CTTNBP2: variants seen among roughly 807,000 people sequenced by gnomAD.
CTTNBP2 encodes the protein cortactin binding protein 2.
A neutral mutation model predicts 156.9 loss-of-function variants in CTTNBP2; 108 were observed. The observed-to-expected ratio is 0.69, with a 90% CI of 0.59 to 0.81. The LOEUF is 0.81. Ranked by LOEUF, CTTNBP2 falls within the 30% of genes least tolerant of loss-of-function variation. CTTNBP2 has a pLI of 0.00. For missense variants in CTTNBP2, 1,924 were observed against 2,035.4 expected (o/e 0.95, Z 1.05); for synonymous variants, 767 against 751.8 (o/e 1.02, Z -0.33).
At chr7:117,867,368 A>G (rs769904098) in intron 1 of CTTNBP2, among the ~76,000 whole-genome samples, 1 of 152,132 alleles carries the variant, frequency 6.6e-6, no homozygotes, top group Non-Finnish European at 1.5e-5. Context: ...CTCGCCATTC[A>G]GTCTTAAAAT....
chr7:117,851,017 A>G (rs1802898531), intron 2 of CTTNBP2, among the ~76,000 whole-genome samples: 1 of 152,226 alleles, frequency 6.6e-6, no homozygotes, highest in Non-Finnish European at 1.5e-5. Flanking sequence ...ATTCACATGG[A>G]GTATAAACAC....
intron 2 of CTTNBP2, among the ~76,000 whole-genome samples, chr7:117,853,001 T>G (rs1291583738): frequency 6.6e-6 from 1 of 152,142 alleles, no homozygotes; most frequent in Non-Finnish European, 1.5e-5. Context: ...GTACTACCAC[T>G]GATCTCAAGA....
chr7:117,716,611 T>A (rs1002265800), intron 22 of CTTNBP2, among the ~76,000 whole-genome samples: 1 of 152,188 alleles, frequency 6.6e-6, no homozygotes, highest in Admixed American at 6.5e-5. Context: ...CCAGGTCACC[T>A]TCTTAGGTCA....
At chr7:117,835,595 G>A (rs1801879221) in intron 2 of CTTNBP2, among the ~76,000 whole-genome samples, 1 of 152,152 alleles carries the variant, frequency 6.6e-6, no homozygotes, top group African/African-American at 2.4e-5. Context: ...TGGCCACTCT[G>A]GAGTTCTACC....
chr7:117,781,059 G>A (rs994914832), intron 6 of CTTNBP2, among the ~76,000 whole-genome samples: 4 of 152,228 alleles, frequency 2.6e-5, no homozygotes, highest in Non-Finnish European at 5.9e-5. Context: ...CTCTATAAAA[G>A]GCAGCAGAAA....
chr7:117,812,785 C>T (rs181238794), intron 2 of CTTNBP2, among the ~76,000 whole-genome samples: 1 of 152,244 alleles, frequency 6.6e-6, no homozygotes, highest in African/African-American at 2.4e-5. Context: ...CTTCTCCCAC[C>T]CTTGGATTAA....
intron 22 of CTTNBP2, among the ~76,000 whole-genome samples, chr7:117,717,735 A>G (rs1794510186): frequency 6.8e-6 from 1 of 148,060 alleles, no homozygotes; most frequent in Non-Finnish European, 1.5e-5. Context: ...TAGTTTTGTC[A>G]TATAAAATGA....
chr7:117,786,338 T>C, intron 4 of CTTNBP2: 1 of 392,220 alleles, frequency 2.5e-6, no homozygotes, highest in Non-Finnish European at 5.1e-6. Flanking sequence ...TTCCTACTGA[T>C]ACTCATTAGC....
intron 3 of CTTNBP2, among the ~76,000 whole-genome samples, chr7:117,803,437 C>T (rs1267456415): frequency 6.6e-6 from 1 of 152,146 alleles, no homozygotes; most frequent in Non-Finnish European, 1.5e-5. Flanking sequence ...GTACTATGCT[C>T]ACTACTTGGG....
chr7:117,804,261 C>T (rs111588741), intron 3 of CTTNBP2, among the ~76,000 whole-genome samples: 1 of 152,172 alleles, frequency 6.6e-6, no homozygotes, highest in Non-Finnish European at 1.5e-5. Context: ...CTGCACCCAA[C>T]CAAGCCTGGC....
At chr7:117,763,555 CTTTTTTTTTTT>C (rs767309488) in intron 9 of CTTNBP2, among the ~76,000 whole-genome samples, 1 of 103,452 alleles carries the variant, frequency 9.7e-6, no homozygotes, top group Non-Finnish European at 1.9e-5. Flanking sequence ...TCTTCTTCTT[CTTTTTTTTTTT>C]TTTTTTTTTT....
intron 1 of CTTNBP2, among the ~76,000 whole-genome samples, chr7:117,868,747 T>C (rs996325261): frequency 6.6e-6 from 1 of 152,056 alleles, no homozygotes; most frequent in Non-Finnish European, 1.5e-5. Flanking sequence ...TGTAATCGAG[T>C]ATGTTCAAAT....
chr7:117,792,193 G>C lies in CTTNBP2; in HGVS notation c.1003C>G (p.Pro335Ala). The change falls in exon 4 of 23, where the codon CCC becomes GCC. Residue 335 changes from proline to alanine, a missense_variant. Transcript: ENST00000160373. The surrounding 1 kb of genome is among the most constrained non-coding windows in gnomAD (Gnocchi z 4.2). ...TMPVKPSTGS[P>A]LVSANAKGSV... ...CCTTTTGCATTTGCAGAAACTAGGG[G>C]ACTCCCTGTGGAAGGTTTTACAGGC... 1 of 1,614,160 alleles carries C rather than the reference G, an allele frequency of 6.2e-7. No individual in the cohort carries two copies. The highest frequency in any genetic ancestry group is 1.1e-5 in the South Asian group (1 of 91,074).
chr7:117,850,600 G>T (rs1205810889), intron 2 of CTTNBP2, among the ~76,000 whole-genome samples: 2 of 152,130 alleles, frequency 1.3e-5, no homozygotes, highest in Non-Finnish European at 2.9e-5. Flanking sequence ...AACCTAAGTA[G>T]GTGGGGACCA....
rs1225367580 is a variant in CTTNBP2 at position 117,791,655 on chromosome 7, G to C, written c.1541C>G (p.Pro514Arg). 1.9e-6 allele frequency: 3 copies of C among 1,614,154 alleles called. No individual in the cohort carries two copies. The highest frequency in any genetic ancestry group is 2.5e-6 in the Non-Finnish European group (3 of 1,180,032). ...AGAPSRPGVP[P>R]TGDVGTHPPV... ...AGGGTGGGTGCCAACATCCCCTGTT[G>C]GGGGCACTCCAGGCCTTGAGGGAGC... Residue 514 changes from proline to arginine, a missense_variant, in exon 4 of 23, where the codon CCA (proline) becomes CGA (arginine). Transcript: ENST00000160373.
At chr7:117,730,728 C>A (rs1324143120) in intron 16 of CTTNBP2, among the ~76,000 whole-genome samples, 3 of 151,990 alleles carry the variant, frequency 2.0e-5, no homozygotes, top group Non-Finnish European at 4.4e-5. Context: ...CCTCAACAAG[C>A]CTGGCTGATA....
chr7:117,853,899 T>C (rs1803090731), intron 2 of CTTNBP2, among the ~76,000 whole-genome samples: 1 of 152,208 alleles, frequency 6.6e-6, no homozygotes, highest in African/African-American at 2.4e-5. Flanking sequence ...CCTCATCACC[T>C]GCATTTTCTA....
At chr7:117,837,790 G>C (rs112775221) in intron 2 of CTTNBP2, among the ~76,000 whole-genome samples, 4 of 152,154 alleles carry the variant, frequency 2.6e-5, no homozygotes, top group African/African-American at 9.6e-5. Context: ...AAAAAGTTTT[G>C]GATTTTGGAG....
rs1255134044 is a variant in CTTNBP2, at chr7:117,711,394, A to C, written c.*143T>G. ...TGTTGGTTATAAATACATTCTTTAC[A>C]AAAAAAAATTGAATAGTGGTCCCGC... On this transcript the variant is annotated 3_prime_UTR_variant, in exon 23 of 23. Transcript: ENST00000160373. 42 of 834,040 alleles carry C rather than the reference A, an allele frequency of 5.0e-5. No homozygotes were observed. Among genetic ancestry groups the C allele is most frequent in the Non-Finnish European group, 6.6e-5 (38 of 579,724 alleles). 51.7% of individuals were successfully genotyped at this position (834,040 alleles called of 1,614,324 possible). A position where few individuals can be genotyped will look rare whatever the true frequency, so the allele number is the denominator to read the frequency against.
Sources: allele counts gnomAD v4.1 joint callset (sites outside exome capture counted in the v4.1 genomes callset), GRCh38; gene constraint gnomAD v4.1.1; non-coding constraint Gnocchi (gnomAD v3.1); transcripts MANE v1.5; gene names NCBI Gene and HGNC (gene_info 2026-07-23, HGNC 2026-07-21).